GPR37: variants seen among roughly 807,000 people sequenced by gnomAD.
GPR37 encodes the protein G protein-coupled receptor 37, also known as prosaposin receptor GPR37.
In GPR37, 20 loss-of-function variants were observed where a neutral mutation model predicts 43.6. The observed-to-expected ratio is 0.46, with a 90% CI of 0.32 to 0.67. GPR37 has a LOEUF of 0.67. Ranked by LOEUF, GPR37 falls within the 30% of genes least tolerant of loss-of-function variation. The pLI is 0.03. For missense variants in GPR37, 724 were observed against 797.2 expected, an observed-to-expected ratio of 0.91 and a Z score of 1.11; for synonymous variants, 315 against 322.6, an observed-to-expected ratio of 0.98 and a Z score of 0.25.
chr7:124,761,370 T>C (rs1323021654), intron 1 of GPR37, among the ~76,000 whole-genome samples: 1 of 152,124 alleles, frequency 6.6e-6, no homozygotes, highest in Non-Finnish European at 1.5e-5. Context: ...CAGGCTTGCA[T>C]CCAATGTCTT....
chr7:124,762,237 T>C (rs1793859551), intron 1 of GPR37, among the ~76,000 whole-genome samples: 1 of 152,182 alleles, frequency 6.6e-6, no homozygotes, highest in South Asian at 2.1e-4. Flanking sequence ...CCAAAGTTTT[T>C]ATAATCTTTC....
chr7:124,760,410 T>G (rs2116325143), intron 1 of GPR37, among the ~76,000 whole-genome samples: 1 of 152,280 alleles, frequency 6.6e-6, no homozygotes, highest in Non-Finnish European at 1.5e-5. Context: ...ACATAAAATT[T>G]AACCTATATA....
At chr7:124,754,935 C>T (rs1267207678) in intron 1 of GPR37, among the ~76,000 whole-genome samples, 1 of 152,028 alleles carries the variant, frequency 6.6e-6, no homozygotes, top group African/African-American at 2.4e-5. Flanking sequence ...GTGGGAGATA[C>T]TTTTTTGAGC....
Position 124,765,240 on chromosome 7 carries a change from G to A in GPR37, c.-264C>T. 1 of 403,928 alleles carries A rather than the reference G, an allele frequency of 2.5e-6. No homozygotes were observed. Among genetic ancestry groups the A allele is most frequent in the Non-Finnish European group, 4.4e-6 (1 of 229,228 alleles). 25.0% of individuals were successfully genotyped at this position (403,928 alleles called of 1,614,324 possible). A position where few individuals can be genotyped will look rare whatever the true frequency, so the allele number is the denominator to read the frequency against. ...GTATGCCCTCCAAGGTTCCTAGAGG[G>A]AATAGGCTACTCCCGGTGGCTGACC... On this transcript the variant is annotated 5_prime_UTR_variant, in exon 1 of 2. Coordinates refer to ENST00000303921, the MANE Select transcript of GPR37 (RefSeq NM_005302.5).
chr7:124,764,420 G>A lies in GPR37; in HGVS notation c.557C>T (p.Ala186Val). 2 of 1,613,598 alleles carry A rather than the reference G, an allele frequency of 1.2e-6. No homozygotes were observed. The highest frequency in any genetic ancestry group is 1.7e-5 in the Admixed American group (1 of 60,028). ...GTGGTGGGAACCCTGGAGTTTCCCG[G>A]CTCTCCTTGGCCAGTAAAAAAGATC... ...ASDLFYWPRRAGKLQGSHHKP... is the reference protein window; with the variant it reads ...ASDLFYWPRRVGKLQGSHHKP... The change falls in exon 1 of 2, where the codon GCC (alanine) becomes GTC (valine). Residue 186 changes from alanine to valine, a missense_variant. Physicochemically the swap from Ala to Val is moderately conservative, Grantham distance 64 (BLOSUM62 0). Transcript: ENST00000303921. The surrounding 1 kb of genome is among the most constrained non-coding windows in gnomAD (Gnocchi z 5.4).
In GPR37 at chr7:124,745,454, T is replaced by C. The variant is rs536771437; in HGVS notation, c.*1071A>G. On this transcript the variant is annotated 3_prime_UTR_variant, in exon 2 of 2. Transcript: ENST00000303921. ...AGGTTAGGTTTTTTTATTCAGAGTT[T>C]ATGAAGTATCAAGTTAAAGGTAGAA... Among the ~76,000 whole-genome samples the C allele has an allele frequency of 6.6e-6, 1 of 152,322 alleles. No individual in the cohort carries two copies. Among genetic ancestry groups the C allele is most frequent in the South Asian group, 2.1e-4 (1 of 4,830 alleles).
intron 1 of GPR37, among the ~76,000 whole-genome samples, chr7:124,756,107 T>C (rs1228379058): frequency 7.9e-5 from 12 of 152,214 alleles, no homozygotes; most frequent in Admixed American, 6.5e-4. Context: ...AGGCAGTTAT[T>C]TCTAAATTGC....
Position 124,752,265 on chromosome 7 carries a change from A to G in GPR37, c.1024-4922T>C, listed in dbSNP as rs140252677. ...GTATTACTAGCAAAGAGACCACTGCATTAGCACAATGCTATATGTGTGTGT... is the reference window on the plus strand; with the variant it reads ...GTATTACTAGCAAAGAGACCACTGCGTTAGCACAATGCTATATGTGTGTGT... On this transcript the variant is annotated intron_variant, in intron 1 of 1. Transcript: ENST00000303921. Among the ~76,000 whole-genome samples the G allele has an allele frequency of 3.5e-3, 529 of 152,302 alleles. 5 individuals are homozygous for G. Among genetic ancestry groups the G allele is most frequent in the Middle Eastern group, 0.014 (4 of 294 alleles).
intron 1 of GPR37, among the ~76,000 whole-genome samples, chr7:124,750,784 T>C (rs1055334925): frequency 6.6e-6 from 1 of 152,184 alleles, no homozygotes; most frequent in African/African-American, 2.4e-5. Flanking sequence ...AATTAGAAGA[T>C]GTTAACTGCC....
In GPR37 at chr7:124,746,667, C is replaced by T; in HGVS notation, c.1700G>A (p.Cys567Tyr). 3.7e-6 allele frequency: 6 copies of T among 1,613,898 alleles called. No individual in the cohort carries two copies. Among genetic ancestry groups the T allele is most frequent in the Non-Finnish European group, 4.2e-6 (5 of 1,179,878 alleles). ...SRAFMECCCC[C>Y]CEECIQKSST... ...AGACTTCTGAATGCATTCCTCACAGCAACAGCAGCAGCACTCCATGAAGGC... is the reference window on the plus strand; with the variant it reads ...AGACTTCTGAATGCATTCCTCACAGTAACAGCAGCAGCACTCCATGAAGGC... The change falls in exon 2 of 2, where the codon TGC (cysteine) becomes TAC (tyrosine). Residue 567 changes from cysteine to tyrosine, a missense_variant. Transcript: ENST00000303921.
At position 124,745,258 on chromosome 7, in the gene GPR37, C is replaced by T. The variant is rs1793657410; in HGVS notation, c.*1267G>A. ...AACAAGATTTTTCTGAAGACAAAGA[C>T]ATCCAACTACACATCTTCTTTGGTA... is the stretch of plus-strand genomic sequence containing the variant. On this transcript the variant is annotated 3_prime_UTR_variant, in exon 2 of 2. Coordinates refer to ENST00000303921, the MANE Select transcript of GPR37 (RefSeq NM_005302.5). Among the ~76,000 whole-genome samples, 1 of 152,178 alleles carries T rather than the reference C, an allele frequency of 6.6e-6. No homozygotes were observed. The highest frequency in any genetic ancestry group is 2.4e-5 in the African/African-American group (1 of 41,448).
chr7:124,749,582 GGATTCT>G (rs1237751245), intron 1 of GPR37, among the ~76,000 whole-genome samples: 19 of 151,998 alleles, frequency 1.3e-4, no homozygotes, highest in Non-Finnish European at 1.8e-4. Context: ...CTTGCCTTGG[GGATTCT>G]GACAGTTCCA....
chr7:124,754,343 T>C (rs913135931), intron 1 of GPR37, among the ~76,000 whole-genome samples: 1 of 152,162 alleles, frequency 6.6e-6, no homozygotes, highest in Non-Finnish European at 1.5e-5. Flanking sequence ...TACTGCTGCA[T>C]TTCTCAGAAG....
Position 124,747,257 on chromosome 7 carries a change from G to C in GPR37, c.1110C>G (p.Tyr370Ter). 6.2e-7 allele frequency: 1 copy of C among 1,613,802 alleles called. No homozygotes were observed. The change falls in exon 2 of 2, where the codon TAC becomes TAG. Residue 370 changes from tyrosine to a stop codon, truncating the protein, a stop_gained. Transcript: ENST00000303921. LOFTEE classifies it high-confidence loss of function. The part of the protein sequence containing the change: ...FRAATNVQMY[Y>*]EMIENCSSTT... ...TTGAGGAACAGTTTTCGATCATTTC[G>C]TAGTACATCTGTACGTTGGTGGCAG...
chr7:124,745,242 T>C lies in GPR37; in HGVS notation c.*1283A>G, dbSNP rs1700759468. On this transcript the variant is annotated 3_prime_UTR_variant, in exon 2 of 2. Transcript: ENST00000303921. ...AAACTGGGTTCTCTATAACAAGATT[T>C]TTCTGAAGACAAAGACATCCAACTA... Among the ~76,000 whole-genome samples the C allele has an allele frequency of 6.6e-6, 1 of 152,184 alleles. No individual in the cohort carries two copies. Among genetic ancestry groups the C allele is most frequent in the Non-Finnish European group, 1.5e-5 (1 of 68,028 alleles).
chr7:124,761,591 A>G (rs959186436), intron 1 of GPR37, among the ~76,000 whole-genome samples: 1 of 152,172 alleles, frequency 6.6e-6, no homozygotes, highest in African/African-American at 2.4e-5. Context: ...GCACAACCCA[A>G]TAAACTTGAT....
chr7:124,755,440 T>C (rs933188917), intron 1 of GPR37, among the ~76,000 whole-genome samples: 1 of 152,136 alleles, frequency 6.6e-6, no homozygotes, highest in African/African-American at 2.4e-5. Context: ...TAAGACTATT[T>C]AAAAATCAAC....
intron 1 of GPR37, among the ~76,000 whole-genome samples, chr7:124,763,364 G>A (rs1793871662): frequency 6.6e-6 from 1 of 152,168 alleles, no homozygotes; most frequent in Non-Finnish European, 1.5e-5. Flanking sequence ...ATTTAGATGG[G>A]ATAGCATGGA....
Position 124,746,607 on chromosome 7 carries a change from T to C in GPR37, c.1760A>G (p.Tyr587Cys), listed in dbSNP as rs1031931411. 1.9e-6 allele frequency: 3 copies of C among 1,613,786 alleles called. No homozygotes were observed. Among genetic ancestry groups the C allele is most frequent in the South Asian group, 2.2e-5 (2 of 91,084 alleles). ...AGGCGAGAGTTCGAGTTCCGTGGTG[T>C]ACTCGTTGTCATTGTCATCACTGGT... ...TVTSDDNDNE[Y>C]TTELELSPFS... The change falls in exon 2 of 2, where the codon TAC becomes TGC. Residue 587 changes from tyrosine to cysteine, a missense_variant. Tyr to Cys is a radical substitution (Grantham distance 194). This residue lies in a region of GPR37 where 342 missense variants were observed against 441.8 expected (regional missense o/e 0.77). Transcript: ENST00000303921.
Sources: gnomAD v4.1 joint callset for allele counts (sites outside exome capture counted in the v4.1 genomes callset) on GRCh38, gnomAD v4.1.1 for gene constraint, gnomAD v4.1.1 regional missense constraint, Gnocchi (gnomAD v3.1) non-coding constraint, MANE v1.5 for transcripts, NCBI Gene and HGNC (gene_info 2026-07-23, HGNC 2026-07-21) for gene names.